The following BCAS4 variants were observed in gnomAD, a reference collection of about 807,000 sequenced individuals.
BCAS4 encodes breast carcinoma-amplified sequence 4.
Under a neutral mutation model 15.7 loss-of-function variants are expected in BCAS4, and 9 were observed. The observed-to-expected ratio is 0.57, with a 90% CI of 0.34 to 1.00. BCAS4 has a LOEUF of 1.00. Ranked by LOEUF, BCAS4 falls within the 50% of genes least tolerant of loss-of-function variation. The pLI is 0.02. For synonymous variants in BCAS4, 101 were observed against 99.5 expected (o/e 1.02, Z -0.09); for missense variants, 225 against 239.1 (o/e 0.94, Z 0.39).
At chr20:50,797,452 T>G (rs1213156237) in intron 1 of BCAS4, among the ~76,000 whole-genome samples, 1 of 151,998 alleles carries the variant, frequency 6.6e-6, no homozygotes, top group Non-Finnish European at 1.5e-5. Context: ...TCCAGCGACT[T>G]AGGAAGCTGA....
At chr20:50,830,515 A>G (rs944315431) in intron 3 of BCAS4, 135 bp downstream of exon 3, 12 of 661,722 alleles carry the variant, frequency 1.8e-5, no homozygotes, top group Non-Finnish European at 3.0e-5. Flanking sequence ...GGAGTTGGGG[A>G]GTCTGCACTC....
intron 4 of BCAS4, among the ~76,000 whole-genome samples, chr20:50,845,221 G>C (rs1472095252): frequency 6.6e-6 from 1 of 152,054 alleles, no homozygotes; most frequent in African/African-American, 2.4e-5. Context: ...TGTGATGTCT[G>C]GGCCCAGAGC....
At chr20:50,808,477 A>C (rs1600849355) in intron 1 of BCAS4, among the ~76,000 whole-genome samples, 1 of 152,332 alleles carries the variant, frequency 6.6e-6, no homozygotes, top group East Asian at 1.9e-4. Context: ...TCCCACTAAC[A>C]GTGTAAAAGT....
At chr20:50,859,280 A>G (rs1978942052) in intron 4 of BCAS4, among the ~76,000 whole-genome samples, 3 of 152,270 alleles carry the variant, frequency 2.0e-5, no homozygotes, top group Middle Eastern at 6.8e-3. Context: ...GGTTGAACGC[A>G]TGGATGTGGA....
At chr20:50,875,137 G>A (rs183775338) in intron 4 of BCAS4, among the ~76,000 whole-genome samples, 84 of 152,348 alleles carry the variant, frequency 5.5e-4, no homozygotes, top group African/African-American at 1.9e-3. Context: ...CCACGCCCCC[G>A]AGTAGAGACA....
rs114820310 is a variant in BCAS4 at position 50,838,065 on chromosome 20, C to T, written c.265-3701C>T. Among the ~76,000 whole-genome samples the T allele has an allele frequency of 4.4e-3, 672 of 152,154 alleles. 8 individuals carry two copies. Among genetic ancestry groups the T allele is most frequent in the African/African-American group, 0.015 (642 of 41,524 alleles). On this transcript the variant is annotated intron_variant, in intron 3 of 4. Transcript: ENST00000371608. The stretch of plus-strand genomic sequence containing the variant: ...CCTTTCAGCCCTGCTACAGCCAGAA[C>T]CCCAGGGTGGCAGCAGCACGAGAGA...
At chr20:50,797,710 G>T (rs536987003) in intron 1 of BCAS4, among the ~76,000 whole-genome samples, 10 of 152,096 alleles carry the variant, frequency 6.6e-5, no homozygotes, top group Non-Finnish European at 1.2e-4. Flanking sequence ...TTGTTGCCCA[G>T]GCTGGAGTGC....
At chr20:50,803,247 G>T (rs1432404822) in intron 1 of BCAS4, among the ~76,000 whole-genome samples, 2 of 152,232 alleles carry the variant, frequency 1.3e-5, no homozygotes. Context: ...CAGTGCCATA[G>T]CGATTCTTCT....
At position 50,851,632 on chromosome 20, in the gene BCAS4, C is replaced by G. The variant is rs985791882; in HGVS notation, c.399+9732C>G. ...GGTGGGACCCTCAACATGCCCTTCT[C>G]TCAAAGCAGCACCACCGTCAGGGGC... On this transcript the variant is annotated intron_variant, in intron 4 of 4. Coordinates refer to ENST00000371608, the MANE Select transcript of BCAS4 (RefSeq NM_198799.4). This position sits in a 1 kb window ranked among gnomAD's most constrained non-coding sequence, Gnocchi z 4.3. Among the ~76,000 whole-genome samples, 1 of 152,124 alleles carries G rather than the reference C, an allele frequency of 6.6e-6. No individual in the cohort carries two copies. The highest frequency in any genetic ancestry group is 6.5e-5 in the Admixed American group (1 of 15,278).
chr20:50,865,701 G>A (rs1394012372), intron 4 of BCAS4, among the ~76,000 whole-genome samples: 1 of 152,196 alleles, frequency 6.6e-6, no homozygotes, highest in Non-Finnish European at 1.5e-5. Flanking sequence ...TCCACCAGCT[G>A]CTGTGGTCAC....
intron 1 of BCAS4, among the ~76,000 whole-genome samples, chr20:50,811,698 C>G (rs551486737): frequency 1.3e-5 from 2 of 152,350 alleles, no homozygotes; most frequent in South Asian, 4.1e-4. Context: ...TCTTGGCTTA[C>G]TGCAACCTCC....
At chr20:50,832,340 C>T (rs1343103106) in intron 3 of BCAS4, among the ~76,000 whole-genome samples, 6 of 152,010 alleles carry the variant, frequency 3.9e-5, no homozygotes, top group East Asian at 1.9e-4. Flanking sequence ...TCTCTGCAAC[C>T]TCCGCCTCCC....
intron 4 of BCAS4, among the ~76,000 whole-genome samples, chr20:50,856,157 G>A (rs1978751738): frequency 6.6e-6 from 1 of 152,220 alleles, no homozygotes; most frequent in South Asian, 2.1e-4. Context: ...CAAGCAGTGT[G>A]CAGAGGTGAG....
intron 2 of BCAS4, among the ~76,000 whole-genome samples, chr20:50,818,691 C>T (rs940373544): frequency 6.6e-6 from 1 of 152,178 alleles, no homozygotes; most frequent in East Asian, 1.9e-4. Context: ...TTCAGGCCTG[C>T]GAGGCCTAGG....
At chr20:50,812,376 G>T (rs143296314) in intron 1 of BCAS4, among the ~76,000 whole-genome samples, 2,635 of 150,034 alleles carry the variant, frequency 0.018, 39 homozygotes, top group Non-Finnish European at 0.03. Context: ...GTTGTGATCC[G>T]CCCCCCCTTG....
chr20:50,801,997 G>A (rs1361634355), intron 1 of BCAS4, among the ~76,000 whole-genome samples: 1 of 152,012 alleles, frequency 6.6e-6, no homozygotes, highest in Non-Finnish European at 1.5e-5. Context: ...CAGGGGGGGA[G>A]TCTGAATTCT....
At chr20:50,819,905 C>T (rs1021633540) in intron 2 of BCAS4, among the ~76,000 whole-genome samples, 4 of 152,046 alleles carry the variant, frequency 2.6e-5, no homozygotes, top group Non-Finnish European at 1.5e-5. Flanking sequence ...GGCTGGAGTG[C>T]CGTGATGCAA....
rs984018317 is a variant in BCAS4 at position 50,802,851 on chromosome 20, G to A, written c.90+7678G>A. ...ATTGTGCCACTGCACTCCAGCCTGG[G>A]TGACAGAGCCAGACTCCATCTCAAA... On this transcript the variant is annotated intron_variant, in intron 1 of 4. Coordinates refer to ENST00000371608, the MANE Select transcript of BCAS4 (RefSeq NM_198799.4). 1.7e-4 allele frequency among the ~76,000 whole-genome samples: 26 copies of A among 152,052 alleles called. 1 individual carries two copies. Among genetic ancestry groups the A allele is most frequent in the Non-Finnish European group, 8.8e-5 (6 of 68,024 alleles).
intron 1 of BCAS4, among the ~76,000 whole-genome samples, chr20:50,800,588 C>T (rs8116190): frequency 0.22 from 29,119 of 134,516 alleles, 3,287 homozygotes; most frequent in African/African-American, 0.3. Context: ...TTTGAGACAG[C>T]CTTGTTCTTG....
Sources: allele counts gnomAD v4.1 joint callset (sites outside exome capture counted in the v4.1 genomes callset), GRCh38; gene constraint gnomAD v4.1.1; non-coding constraint Gnocchi (gnomAD v3.1); transcripts MANE v1.5; gene names NCBI Gene and HGNC (gene_info 2026-07-23, HGNC 2026-07-21).